The following KIAA1328 variants were observed in gnomAD, a reference collection of about 807,000 sequenced individuals.
KIAA1328 encodes the protein protein hinderin.
Under a neutral mutation model 68.1 loss-of-function variants are expected in KIAA1328, and 52 were observed. The observed-to-expected ratio is 0.76, with a 90% CI of 0.61 to 0.96. The LOEUF (loss-of-function observed/expected upper bound fraction) is 0.96, where lower values mean the gene tolerates loss of function less well. Among genes scored for constraint, KIAA1328 ranks in the 40% least tolerant of loss-of-function variants. KIAA1328 has a pLI of 0.00. For missense variants in KIAA1328, 641 were observed against 677.6 expected (o/e 0.95, Z 0.60); for synonymous variants, 232 against 239.4 (o/e 0.97, Z 0.28).
At chr18:37,075,816 C>T (rs1473165249) in intron 7 of KIAA1328, among the ~76,000 whole-genome samples, 2 of 152,148 alleles carry the variant, frequency 1.3e-5, no homozygotes, top group African/African-American at 2.4e-5. Flanking sequence ...AATACAGGAG[C>T]ACCCAGATTC....
At chr18:37,189,829 G>A (rs367984709) in intron 9 of KIAA1328, among the ~76,000 whole-genome samples, 26 of 152,222 alleles carry the variant, frequency 1.7e-4, no homozygotes, top group South Asian at 1.7e-3. Context: ...ATTTCTTTGG[G>A]ACAATTGCAG....
intron 6 of KIAA1328, among the ~76,000 whole-genome samples, chr18:36,996,351 T>G (rs1481976457): frequency 6.6e-6 from 1 of 152,156 alleles, no homozygotes; most frequent in African/African-American, 2.4e-5. Context: ...GTCAGAGAGA[T>G]TAAATAACTT....
At chr18:37,042,902 C>T (rs13313604) in intron 6 of KIAA1328, among the ~76,000 whole-genome samples, 22,817 of 152,058 alleles carry the variant, frequency 0.15, 1,819 homozygotes, top group African/African-American at 0.18. Context: ...TCCCACAGGT[C>T]TCTGAGACTG....
At chr18:37,123,904 C>T (rs572943286) in intron 7 of KIAA1328, among the ~76,000 whole-genome samples, 2 of 152,196 alleles carry the variant, frequency 1.3e-5, no homozygotes, top group East Asian at 3.9e-4. Flanking sequence ...AGTAAAGGTT[C>T]CTGTTAATAA....
chr18:36,835,150 G>A, intron 2 of KIAA1328, 84 bp from the exon 3 acceptor site: 1 of 1,182,376 alleles, frequency 8.5e-7, no homozygotes, highest in Non-Finnish European at 1.2e-6. Context: ...CCTTAAAGTA[G>A]AGGATTCCAA....
chr18:36,953,373 TATAGATAGATAG>T (rs10617798), intron 5 of KIAA1328, among the ~76,000 whole-genome samples: 5,840 of 140,674 alleles, frequency 0.042, 151 homozygotes, highest in African/African-American at 0.07. Context: ...TGCCAACAAC[TATAGATAGATAG>T]ATAGATAGAT....
chr18:37,106,743 G>T (rs1191574182), intron 7 of KIAA1328, among the ~76,000 whole-genome samples: 1 of 152,122 alleles, frequency 6.6e-6, no homozygotes. Flanking sequence ...GAATTTCATG[G>T]TATATAAATT....
chr18:37,077,522 T>A (rs192695817), intron 7 of KIAA1328, among the ~76,000 whole-genome samples: 21,328 of 147,006 alleles, frequency 0.15, 1,750 homozygotes, highest in African/African-American at 0.2. Flanking sequence ...GTATTCAATT[T>A]GGAAAAGAGG....
At chr18:36,835,851 ATTTTC>A (rs2046655545) in intron 3 of KIAA1328, among the ~76,000 whole-genome samples, 1 of 152,022 alleles carries the variant, frequency 6.6e-6, no homozygotes, top group Admixed American at 6.5e-5. Context: ...TTTTTGTTAT[ATTTTC>A]CCTCTGCAAC....
downstream of KIAA1328, among the ~76,000 whole-genome samples, chr18:37,228,293 C>T (rs975516568): frequency 6.6e-6 from 1 of 152,144 alleles, no homozygotes; most frequent in African/African-American, 2.4e-5. Flanking sequence ...AAAGCAGCGT[C>T]GGGGTTTGAA....
intron 6 of KIAA1328, among the ~76,000 whole-genome samples, chr18:37,017,356 T>G (rs1344766177): frequency 6.6e-6 from 1 of 152,172 alleles, no homozygotes; most frequent in Non-Finnish European, 1.5e-5. Flanking sequence ...TTTTTTTAAT[T>G]TATTGAGACT....
intron 7 of KIAA1328, among the ~76,000 whole-genome samples, chr18:37,088,738 T>C (rs1351055612): frequency 6.6e-6 from 1 of 152,068 alleles, no homozygotes; most frequent in Non-Finnish European, 1.5e-5. Context: ...TATTACTATT[T>C]CTTATTTATT....
chr18:36,888,009 C>CTGTT (rs1239665177), intron 5 of KIAA1328, among the ~76,000 whole-genome samples: 1 of 152,114 alleles, frequency 6.6e-6, no homozygotes, highest in Non-Finnish European at 1.5e-5. Context: ...CTCAAGTAGA[C>CTGTT]TGTTATATTT....
chr18:37,143,577 A>G (rs1599413903), intron 7 of KIAA1328, among the ~76,000 whole-genome samples: 1 of 137,002 alleles, frequency 7.3e-6, no homozygotes. Context: ...TCAAAACAAT[A>G]TGAAAGTGTT....
At chr18:36,935,931 C>T (rs2050483085) in intron 5 of KIAA1328, among the ~76,000 whole-genome samples, 2 of 152,114 alleles carry the variant, frequency 1.3e-5, no homozygotes. Flanking sequence ...CCTATCACGA[C>T]AACTGTTATG....
chr18:37,099,981 G>C lies in KIAA1328; in HGVS notation c.1232+32436G>C, dbSNP rs145753884. 6.4e-3 allele frequency among the ~76,000 whole-genome samples: 978 copies of C among 152,250 alleles called. 15 individuals are homozygous for C. Among genetic ancestry groups the C allele is most frequent in the African/African-American group, 0.022 (906 of 41,536 alleles). ...AGCCTATGTGTGTCTTTGCACGTGA[G>C]ATGGGTTTCCTGAATGCAGCACACT... On this transcript the variant is annotated intron_variant, in intron 7 of 9. Coordinates refer to ENST00000280020, the MANE Select transcript of KIAA1328 (RefSeq NM_020776.3).
chr18:36,855,706 G>T (rs189636762), intron 4 of KIAA1328, among the ~76,000 whole-genome samples: 291 of 151,674 alleles, frequency 1.9e-3, no homozygotes, highest in African/African-American at 6.6e-3. Flanking sequence ...TCTAGTGTCA[G>T]ATATAAGAAT....
chr18:37,079,681 A>T (rs1158474923), intron 7 of KIAA1328, among the ~76,000 whole-genome samples: 1 of 151,738 alleles, frequency 6.6e-6, no homozygotes, highest in Admixed American at 6.6e-5. Flanking sequence ...TGGGATCAGG[A>T]GTTTGAGACC....
At chr18:37,180,281 G>A (rs2059675355) in intron 9 of KIAA1328, among the ~76,000 whole-genome samples, 2 of 152,148 alleles carry the variant, frequency 1.3e-5, no homozygotes, top group East Asian at 1.9e-4. Flanking sequence ...ATTTGACAAT[G>A]AGGAAATAAG....
Sources: allele counts gnomAD v4.1 joint callset (sites outside exome capture counted in the v4.1 genomes callset), GRCh38; gene constraint gnomAD v4.1.1; transcripts MANE v1.5; gene names NCBI Gene and HGNC (gene_info 2026-07-23, HGNC 2026-07-21).